The following DLG2 variants were observed in gnomAD, a reference collection of about 807,000 sequenced individuals.
DLG2 encodes discs large MAGUK scaffold protein 2.
A neutral mutation model predicts 132.5 loss-of-function variants in DLG2; 45 were observed. The observed-to-expected ratio is 0.34, with a 90% CI of 0.27 to 0.44. The LOEUF is 0.44. Among genes scored for constraint, DLG2 ranks in the 20% least tolerant of loss-of-function variants. The pLI, the probability that DLG2 is intolerant of heterozygous loss-of-function variation, is 1.00. For synonymous variants in DLG2, 424 were observed against 419.6 expected (o/e 1.01, Z -0.13); for missense variants, 1,045 against 1,196.9 (o/e 0.87, Z 1.87).
chr11:85,557,353 T>C (rs761771319), intron 3 of DLG2, among the ~76,000 whole-genome samples: 5 of 151,610 alleles, frequency 3.3e-5, no homozygotes, highest in Non-Finnish European at 7.4e-5. Flanking sequence ...ACTGGAAAAA[T>C]CAATATTGTC....
intron 7 of DLG2, among the ~76,000 whole-genome samples, chr11:84,525,994 C>A (rs1043750408): frequency 6.6e-6 from 1 of 152,142 alleles, no homozygotes; most frequent in African/African-American, 2.4e-5. Context: ...CCCATCCTAA[C>A]CTCTCCAGCT....
chr11:85,218,955 A>T (rs1268663991), intron 4 of DLG2, among the ~76,000 whole-genome samples: 1 of 152,206 alleles, frequency 6.6e-6, no homozygotes, highest in African/African-American at 2.4e-5. Context: ...TAAGCAAATT[A>T]ACACAACAAA....
intron 18 of DLG2, among the ~76,000 whole-genome samples, chr11:83,700,150 T>C (rs1231971185): frequency 6.6e-6 from 1 of 152,096 alleles, no homozygotes; most frequent in South Asian, 2.1e-4. Flanking sequence ...GGTACATACC[T>C]TATAAGGTTG....
chr11:83,832,975 T>C lies in DLG2; in HGVS notation c.1722+639A>G, dbSNP rs372820913. On this transcript the variant is annotated intron_variant, in intron 17 of 27. Transcript: ENST00000376104. ...TGGTTATGAGTTTGGGAGAAAAGTC[T>C]GTTTTTTTAAATAAAATAAGTAATA... is the stretch of plus-strand genomic sequence containing the variant. Among the ~76,000 whole-genome samples the C allele has an allele frequency of 4.2e-4, 64 of 152,336 alleles. No individual in the cohort carries two copies. In the South Asian group the frequency reaches 7.2e-3, roughly 17 times the overall value.
At chr11:85,154,481 T>C (rs2077469552) in intron 5 of DLG2, 75 bp downstream of exon 5, 6 of 779,264 alleles carry the variant, frequency 7.7e-6, no homozygotes, top group Non-Finnish European at 1.3e-5. Context: ...TTAACACTAC[T>C]AGCACTATCC....
intron 11 of DLG2, among the ~76,000 whole-genome samples, chr11:84,039,983 T>C (rs2096012958): frequency 6.7e-6 from 1 of 150,372 alleles, no homozygotes. Context: ...ATGATGAGCA[T>C]TTTTTCATGT....
At chr11:84,187,237 C>T (rs1463582816) in intron 8 of DLG2, among the ~76,000 whole-genome samples, 1 of 151,634 alleles carries the variant, frequency 6.6e-6, no homozygotes, top group Admixed American at 6.6e-5. Context: ...TTGGTAATAA[C>T]AGAGCTGGTA....
At chr11:83,863,069 T>C (rs575109900) in intron 16 of DLG2, among the ~76,000 whole-genome samples, 3 of 152,302 alleles carry the variant, frequency 2.0e-5, no homozygotes, top group South Asian at 2.1e-4. Flanking sequence ...GAAGAGATAC[T>C]GGCATTGTGT....
At chr11:84,342,824 C>T (rs1003215622) in intron 7 of DLG2, among the ~76,000 whole-genome samples, 8 of 152,100 alleles carry the variant, frequency 5.3e-5, no homozygotes, top group African/African-American at 1.9e-4. Context: ...GGACTTGGCG[C>T]CAACACCGAT....
At chr11:84,951,516 C>A (rs2050910611) in intron 6 of DLG2, among the ~76,000 whole-genome samples, 1 of 151,816 alleles carries the variant, frequency 6.6e-6, no homozygotes. Context: ...TCATTCTTCT[C>A]TTTTATAAAT....
intron 6 of DLG2, among the ~76,000 whole-genome samples, chr11:84,842,390 G>A (rs2080811544): frequency 6.6e-6 from 1 of 151,910 alleles, no homozygotes; most frequent in African/African-American, 2.4e-5. Context: ...TCCCCCGTAT[G>A]TCCATTATTT....
intron 3 of DLG2, among the ~76,000 whole-genome samples, chr11:85,507,665 G>A (rs1036580130): frequency 1.3e-5 from 2 of 152,074 alleles, no homozygotes; most frequent in African/African-American, 4.8e-5. Flanking sequence ...CAACTTTGGT[G>A]AATCTGACAA....
At chr11:84,230,315 T>C (rs2097073459) in intron 8 of DLG2, among the ~76,000 whole-genome samples, 1 of 152,204 alleles carries the variant, frequency 6.6e-6, no homozygotes. Flanking sequence ...ACTATAATTA[T>C]CTGTTGTTTA....
chr11:84,635,623 A>T (rs931399419), intron 6 of DLG2, among the ~76,000 whole-genome samples: 1 of 152,142 alleles, frequency 6.6e-6, no homozygotes, highest in African/African-American at 2.4e-5. Context: ...GACCTTAACT[A>T]TGAAGATAGT....
chr11:84,751,624 A>G (rs939112560), intron 6 of DLG2, among the ~76,000 whole-genome samples: 3 of 152,184 alleles, frequency 2.0e-5, no homozygotes, highest in Non-Finnish European at 4.4e-5. Context: ...GTTAACATGC[A>G]ATTCTATGAA....
chr11:84,160,826 A>G (rs1417185476), intron 9 of DLG2, among the ~76,000 whole-genome samples: 1 of 152,200 alleles, frequency 6.6e-6, no homozygotes, highest in Non-Finnish European at 1.5e-5. Flanking sequence ...GGGAGAATAT[A>G]CTAGTAGACC....
Position 84,340,610 on chromosome 11 carries a change from G to C in DLG2, c.520-89319C>G, listed in dbSNP as rs749130462. On this transcript the variant is annotated intron_variant, in intron 7 of 27. Transcript: ENST00000376104. ...GTAAGGGCACAGGCTCAAAGATCTC[G>C]AGTAATATCTCAAGGACACCTGGCC... is the stretch of plus-strand genomic sequence containing the variant. 6.6e-5 allele frequency among the ~76,000 whole-genome samples: 10 copies of C among 152,088 alleles called. No homozygotes were observed. In the East Asian group the frequency reaches 1.9e-3, roughly 29 times the overall value.
intron 7 of DLG2, among the ~76,000 whole-genome samples, chr11:84,340,297 T>A (rs997330612): frequency 6.6e-6 from 1 of 152,192 alleles, no homozygotes; most frequent in Non-Finnish European, 1.5e-5. Flanking sequence ...GACAGACACA[T>A]AACGCCTAGG....
intron 7 of DLG2, among the ~76,000 whole-genome samples, chr11:84,418,971 G>A (rs1391425969): frequency 6.6e-6 from 1 of 152,102 alleles, no homozygotes; most frequent in African/African-American, 2.4e-5. Context: ...TTGACTTGGA[G>A]ACACAAATTG....
Sources: allele counts gnomAD v4.1 joint callset (sites outside exome capture counted in the v4.1 genomes callset), GRCh38; gene constraint gnomAD v4.1.1; transcripts MANE v1.5; gene names NCBI Gene and HGNC (gene_info 2026-07-23, HGNC 2026-07-21).